PCDHGA6: variants seen among roughly 807,000 people sequenced by gnomAD.
PCDHGA6 encodes protocadherin gamma-A6.
In PCDHGA6, 41 loss-of-function variants were observed where a neutral mutation model predicts 60.6. The observed-to-expected ratio is 0.68, with a 90% CI of 0.53 to 0.88. The LOEUF is 0.88. Ranked by LOEUF, PCDHGA6 falls within the 40% of genes least tolerant of loss-of-function variation. The probability of loss-of-function intolerance (pLI) is 0.00; values close to 1 mark genes in which losing one functional copy is unlikely to be tolerated. For synonymous variants in PCDHGA6, 594 were observed against 524.4 expected (o/e 1.13, Z -1.81); for missense variants, 1,312 against 1,203.0 (o/e 1.09, Z -1.34).
intron 1 of PCDHGA6, chr5:141,422,304 A>G: frequency 6.5e-7 from 1 of 1,548,524 alleles, no homozygotes; most frequent in Non-Finnish European, 8.7e-7. Context: ...CAATTCTGGA[A>G]AACTCTCCTC....
At chr5:141,437,761 C>G (rs1200327020) in intron 1 of PCDHGA6, among the ~76,000 whole-genome samples, 3 of 144,682 alleles carry the variant, frequency 2.1e-5, no homozygotes, top group Admixed American at 7.0e-5. Flanking sequence ...TTTTTTGAGA[C>G]AGAGTCTCAA....
Position 141,477,020 on chromosome 5 carries a change from G to C in PCDHGA6, c.2425-17787G>C, listed in dbSNP as rs1383192345. The C allele has an allele frequency of 6.2e-7, 1 of 1,614,224 alleles. No homozygotes were observed. The highest frequency in any genetic ancestry group is 8.5e-7 in the Non-Finnish European group (1 of 1,180,048). On this transcript the variant is annotated intron_variant, in intron 1 of 3. Coordinates refer to ENST00000517434, the MANE Select transcript of PCDHGA6 (RefSeq NM_018919.3). The surrounding 1 kb of genome is among the most constrained non-coding windows in gnomAD (Gnocchi z 4.9). ...ACTATTCGCCTTAGACCTTGTAACC[G>C]GGATGCTGACAATCAAGGGTCGGCT...
In PCDHGA6 at chr5:141,409,431, T is replaced by C. The variant is rs191277647; in HGVS notation, c.2424+32924T>C. 41 of 1,614,006 alleles carry C rather than the reference T, an allele frequency of 2.5e-5. No homozygotes were observed. In the African/African-American group the frequency reaches 3.9e-4, roughly 15 times the overall value. Reference sequence around the variant, plus strand: ...TACAAACTGGTGACAGATGGAGCCCTGGACCGAGAGCAGACACCAGAATAC... The same window carrying C: ...TACAAACTGGTGACAGATGGAGCCCCGGACCGAGAGCAGACACCAGAATAC... On this transcript the variant is annotated intron_variant, in intron 1 of 3. Transcript: ENST00000517434.
At chr5:141,399,341 C>T in intron 1 of PCDHGA6, 2 of 1,613,938 alleles carry the variant, frequency 1.2e-6, no homozygotes, top group Non-Finnish European at 1.7e-6. Context: ...ACAGATGGAA[C>T]CCTAGACCGA....
intron 3 of PCDHGA6, among the ~76,000 whole-genome samples, chr5:141,510,048 G>GTGAT (rs1392197406): frequency 1.3e-5 from 2 of 152,192 alleles, no homozygotes; most frequent in Non-Finnish European, 2.9e-5. Context: ...GAGGTTAAAA[G>GTGAT]TGATTGTGCA....
chr5:141,455,314 T>G (rs565911988), intron 1 of PCDHGA6, among the ~76,000 whole-genome samples: 15 of 152,208 alleles, frequency 9.9e-5, no homozygotes, highest in African/African-American at 3.4e-4. Flanking sequence ...ATTAGCAATT[T>G]TGTGTGTGTG....
Position 141,511,344 on chromosome 5 carries a change from T to G in PCDHGA6, c.*171T>G, listed in dbSNP as rs2099883730. 3 of 1,419,052 alleles carry G rather than the reference T, an allele frequency of 2.1e-6. No homozygotes were observed. Among genetic ancestry groups the G allele is most frequent in the Non-Finnish European group, 2.8e-6 (3 of 1,067,404 alleles). 87.9% of individuals were successfully genotyped at this position (1,419,052 alleles called of 1,614,324 possible). On this transcript the variant is annotated 3_prime_UTR_variant, in exon 4 of 4. Coordinates refer to ENST00000517434, the MANE Select transcript of PCDHGA6 (RefSeq NM_018919.3). The stretch of plus-strand genomic sequence containing the variant: ...CAAGTGCCCAGTCAGCACCTACCCC[T>G]TCCCCCCCAGGGGGTTGAATATGCA...
Position 141,477,468 on chromosome 5 carries a change from A to G in PCDHGA6, c.2425-17339A>G. ...GTGCGTGTTCAAGTGTCCGACATCA[A>G]TGACAACCCTCCACAATCTTCTCAA... is the stretch of plus-strand genomic sequence containing the variant. On this transcript the variant is annotated intron_variant, in intron 1 of 3. Transcript: ENST00000517434. This position sits in a 1 kb window ranked among gnomAD's most constrained non-coding sequence, Gnocchi z 4.9. 6.2e-7 allele frequency: 1 copy of G among 1,614,158 alleles called. No homozygotes were observed. Among genetic ancestry groups the G allele is most frequent in the Non-Finnish European group, 8.5e-7 (1 of 1,180,022 alleles).
At chr5:141,404,387 C>G in intron 1 of PCDHGA6, 3 of 1,613,874 alleles carry the variant, frequency 1.9e-6, no homozygotes, top group Non-Finnish European at 2.5e-6. Context: ...TGCCTATGAC[C>G]CTGATAGCAA....
chr5:141,417,038 T>TTA (rs1491140470), intron 1 of PCDHGA6: 1 of 145,854 alleles, frequency 6.9e-6, no homozygotes, highest in Non-Finnish European at 1.5e-5. Context: ...GTTTTTTTTT[T>TTA]AAAAAAAACT....
At position 141,477,458 on chromosome 5, in the gene PCDHGA6, T is replaced by C; in HGVS notation, c.2425-17349T>C. 6.2e-7 allele frequency: 1 copy of C among 1,614,126 alleles called. No homozygotes were observed. The highest frequency in any genetic ancestry group is 8.5e-7 in the Non-Finnish European group (1 of 1,180,022). ...CCTTACAATAGTGCGTGTTCAAGTG[T>C]CCGACATCAATGACAACCCTCCACA... On this transcript the variant is annotated intron_variant, in intron 1 of 3. Transcript: ENST00000517434. This position sits in a 1 kb window ranked among gnomAD's most constrained non-coding sequence, Gnocchi z 4.9.
chr5:141,377,635 A>G (rs561038965), intron 1 of PCDHGA6: 1 of 151,932 alleles, frequency 6.6e-6, no homozygotes, highest in African/African-American at 2.4e-5. Flanking sequence ...GTTTTTTCTC[A>G]GTGTTACTTG....
At chr5:141,508,576 C>A (rs1437398161) in intron 3 of PCDHGA6, among the ~76,000 whole-genome samples, 1 of 152,136 alleles carries the variant, frequency 6.6e-6, no homozygotes, top group African/African-American at 2.4e-5. Flanking sequence ...TGCACCCACT[C>A]GGGGTGCTAC....
Position 141,411,472 on chromosome 5 carries a change from T to G in PCDHGA6, c.2424+34965T>G, listed in dbSNP as rs546914871. ...GGTAGCATTCCCCTGTGGTCCCAGC[T>G]ACTTGGGAGGCTGAGCTGGGTGGAT... On this transcript the variant is annotated intron_variant, in intron 1 of 3. Coordinates refer to ENST00000517434, the MANE Select transcript of PCDHGA6 (RefSeq NM_018919.3). 2.6e-5 allele frequency: 4 copies of G among 151,948 alleles called. 1 individual carries two copies. The South Asian group carries it at 8.3e-4, about 32-fold the overall frequency. The allele number at this position is 151,948 out of a possible 1,614,324, so 9.4% of individuals were successfully genotyped here.
chr5:141,399,173 T>C, intron 1 of PCDHGA6: 1 of 1,613,830 alleles, frequency 6.2e-7, no homozygotes, highest in East Asian at 2.2e-5. Context: ...CATTCTCTAC[T>C]TGAAATGATT....
At chr5:141,413,148 CTT>C (rs2095608671) in intron 1 of PCDHGA6, 2 of 1,570,414 alleles carry the variant, frequency 1.3e-6, no homozygotes, top group South Asian at 1.2e-5. Flanking sequence ...CCAGTGAGGA[CTT>C]TGCAGAATTC....
chr5:141,389,914 C>G (rs754458764), intron 1 of PCDHGA6: 1 of 1,614,074 alleles, frequency 6.2e-7, no homozygotes, highest in Non-Finnish European at 8.5e-7. Flanking sequence ...ACTGACCGCC[C>G]CGACCCCTCT....
At chr5:141,492,026 G>T in intron 1 of PCDHGA6, 1 of 567,198 alleles carries the variant, frequency 1.8e-6, no homozygotes, top group Non-Finnish European at 3.0e-6. Flanking sequence ...GGGGTCCCGG[G>T]AGGAGGCAGT....
At chr5:141,385,020 C>A (rs1780771634) in intron 1 of PCDHGA6, 7 of 1,614,168 alleles carry the variant, frequency 4.3e-6, no homozygotes, top group Non-Finnish European at 5.9e-6. Flanking sequence ...TCCTAGCCTT[C>A]GTCCTCGTAC....
Sources: gnomAD v4.1 joint callset for allele counts (sites outside exome capture counted in the v4.1 genomes callset) on GRCh38, gnomAD v4.1.1 for gene constraint, Gnocchi (gnomAD v3.1) non-coding constraint, MANE v1.5 for transcripts, NCBI Gene and HGNC (gene_info 2026-07-23, HGNC 2026-07-21) for gene names.